The following APP variants were observed in gnomAD, a reference collection of about 807,000 sequenced individuals.
The protein encoded by APP is amyloid beta precursor protein.
A neutral mutation model predicts 101.4 loss-of-function variants in APP; 31 were observed. That is an observed-to-expected ratio of 0.31 (90% CI 0.23 to 0.41). The LOEUF is 0.41. APP is among the 10% of genes least tolerant of loss of function. The probability of loss-of-function intolerance (pLI) is 1.00; values close to 1 mark genes in which losing one functional copy is unlikely to be tolerated. For missense variants in APP, 839 were observed against 1,003.7 expected (o/e 0.84, Z 2.22); for synonymous variants, 366 against 364.4 (o/e 1.00, Z -0.05).
rs539098405 is a variant in APP, at chr21:26,040,719, C to G, written c.662+10281G>C. ...GAGGTTGCAGTGAGCTGAGATTGCACCATTGCACTGCAGCCTGGGTGACAG... is the reference window on the plus strand; with the variant it reads ...GAGGTTGCAGTGAGCTGAGATTGCAGCATTGCACTGCAGCCTGGGTGACAG... On this transcript the variant is annotated intron_variant, in intron 5 of 17. Transcript: ENST00000346798. Among the ~76,000 whole-genome samples the G allele has an allele frequency of 1.8e-4, 27 of 151,992 alleles. 1 individual carries two copies. The highest frequency in any genetic ancestry group is 1.6e-3 in the Admixed American group (24 of 15,246).
At chr21:26,054,835 T>C (rs559889864) in intron 3 of APP, among the ~76,000 whole-genome samples, 1 of 152,080 alleles carries the variant, frequency 6.6e-6, no homozygotes, top group South Asian at 2.1e-4. Flanking sequence ...ATGTCTTTCT[T>C]TCATAGTACG....
At chr21:26,041,425 A>G (rs1429485264) in intron 5 of APP, among the ~76,000 whole-genome samples, 1 of 152,136 alleles carries the variant, frequency 6.6e-6, no homozygotes, top group Non-Finnish European at 1.5e-5. Context: ...CTCTTTTCCT[A>G]CTATTTTTAA....
intron 5 of APP, among the ~76,000 whole-genome samples, chr21:26,047,818 G>T (rs541755115): frequency 6.6e-6 from 1 of 152,204 alleles, no homozygotes; most frequent in African/African-American, 2.4e-5. Context: ...TGTGTGGCTA[G>T]TATGAATTGA....
At chr21:26,162,760 T>C (rs1403580263) in intron 1 of APP, among the ~76,000 whole-genome samples, 1 of 149,114 alleles carries the variant, frequency 6.7e-6, no homozygotes, top group East Asian at 2.0e-4. Flanking sequence ...TAAGTATCTT[T>C]TATGGCTGAA....
At chr21:26,068,751 T>C (rs72635014) in intron 3 of APP, among the ~76,000 whole-genome samples, 6,710 of 151,944 alleles carry the variant, frequency 0.044, 326 homozygotes, top group East Asian at 0.23. Context: ...CATTGGCTCC[T>C]CTTTTCATAA....
At chr21:26,098,054 T>C (rs1054078295) in intron 2 of APP, among the ~76,000 whole-genome samples, 2 of 123,682 alleles carry the variant, frequency 1.6e-5, no homozygotes, top group Admixed American at 1.1e-4. Flanking sequence ...CACTCCAGCC[T>C]GCGAGGCAGA....
At chr21:26,068,363 CTTTTTTT>C (rs56143516) in intron 3 of APP, 10,198 of 144,096 alleles carry the variant, frequency 0.071, 681 homozygotes, top group East Asian at 0.24. Flanking sequence ...GCCACATTCT[CTTTTTTT>C]TTTTTTTTTT....
chr21:25,940,778 A>G (rs891781170), intron 13 of APP, among the ~76,000 whole-genome samples: 15 of 152,362 alleles, frequency 9.8e-5, no homozygotes, highest in East Asian at 3.9e-4. Flanking sequence ...TGAGTTGATT[A>G]GTCTCTAAAT....
chr21:25,995,791 G>A lies in APP; in HGVS notation c.1090+1569C>T, dbSNP rs558951718. On this transcript the variant is annotated intron_variant, in intron 8 of 17. Coordinates refer to ENST00000346798, the MANE Select transcript of APP (RefSeq NM_000484.4). ...GCAGTACAAACCACATCCTTCAAAA[G>A]TTATACATAATGTGAATTATTCTGA... 1.5e-3 allele frequency among the ~76,000 whole-genome samples: 222 copies of A among 152,212 alleles called. 1 individual carries two copies. The highest frequency in any genetic ancestry group is 5.1e-3 in the African/African-American group (210 of 41,546).
intron 5 of APP, among the ~76,000 whole-genome samples, chr21:26,044,822 A>T (rs2045535313): frequency 6.6e-6 from 1 of 152,210 alleles, no homozygotes; most frequent in African/African-American, 2.4e-5. Flanking sequence ...TACAGGCGTG[A>T]GCTACTGCGC....
intron 1 of APP, among the ~76,000 whole-genome samples, chr21:26,134,655 T>G (rs1218360331): frequency 1.3e-5 from 2 of 152,170 alleles, no homozygotes; most frequent in Non-Finnish European, 2.9e-5. Flanking sequence ...TAAGAAAGCT[T>G]CATTATGTAG....
At chr21:26,093,422 G>A (rs1443475569) in intron 2 of APP, among the ~76,000 whole-genome samples, 2 of 152,146 alleles carry the variant, frequency 1.3e-5, no homozygotes, top group East Asian at 3.9e-4. Flanking sequence ...CCCAGTGGCA[G>A]GCATATTCAC....
At chr21:25,955,490 A>G in intron 12 of APP, 137 bp downstream of exon 12, 1 of 1,249,458 alleles carries the variant, frequency 8.0e-7, no homozygotes, top group Non-Finnish European at 1.1e-6. Flanking sequence ...TTTAGAATTT[A>G]CCAGAAGTTA....
chr21:25,925,739 A>T (rs1268114310), intron 13 of APP, among the ~76,000 whole-genome samples: 1 of 119,818 alleles, frequency 8.3e-6, no homozygotes, highest in East Asian at 2.5e-4. Context: ...GTTCAAGACC[A>T]GCCTGGCCAA....
At chr21:26,021,347 C>T (rs755910860) in intron 6 of APP, among the ~76,000 whole-genome samples, 1 of 152,046 alleles carries the variant, frequency 6.6e-6, no homozygotes, top group Non-Finnish European at 1.5e-5. Flanking sequence ...TGTGCCTGGC[C>T]CAAATCTCCT....
At chr21:25,933,515 T>G (rs1317558992) in intron 13 of APP, among the ~76,000 whole-genome samples, 2 of 152,232 alleles carry the variant, frequency 1.3e-5, no homozygotes, top group African/African-American at 2.4e-5. Flanking sequence ...AGGTCTTGCT[T>G]CTTCTATCAA....
At position 26,132,127 on chromosome 21, in the gene APP, C is replaced by T. The variant is rs149172910; in HGVS notation, c.58-19981G>A. On this transcript the variant is annotated intron_variant, in intron 1 of 17. Coordinates refer to ENST00000346798, the MANE Select transcript of APP (RefSeq NM_000484.4). ...AGTACTTTGGCATGGTGAGACATTA[C>T]ACTCACTGGGGCCAGGAGTTCAAGG... Among the ~76,000 whole-genome samples the T allele has an allele frequency of 2.6e-3, 399 of 152,220 alleles. 1 individual carries two copies. Among genetic ancestry groups the T allele is most frequent in the African/African-American group, 9.3e-3 (385 of 41,522 alleles).
intron 16 of APP, among the ~76,000 whole-genome samples, chr21:25,892,811 T>C (rs1038463396): frequency 1.3e-5 from 2 of 152,200 alleles, no homozygotes; most frequent in African/African-American, 4.8e-5. Flanking sequence ...ACAACTTTTA[T>C]CATCTTGTTA....
At chr21:26,092,588 G>A (rs2061847734) in intron 2 of APP, among the ~76,000 whole-genome samples, 1 of 152,128 alleles carries the variant, frequency 6.6e-6, no homozygotes, top group Admixed American at 6.5e-5. Flanking sequence ...ACTCTGTATG[G>A]TACTACAATG....
Sources: allele counts gnomAD v4.1 joint callset (sites outside exome capture counted in the v4.1 genomes callset), GRCh38; gene constraint gnomAD v4.1.1; transcripts MANE v1.5; gene names NCBI Gene and HGNC (gene_info 2026-07-23, HGNC 2026-07-21).